Variants in ADARB2 observed in about 807,000 individuals in gnomAD.
ADARB2 encodes the protein adenosine deaminase RNA specific B2 (inactive).
Under a neutral mutation model 62.2 loss-of-function variants are expected in ADARB2, and 25 were observed. The ratio of observed to expected loss-of-function variants is 0.40; its 90% CI spans 0.29 to 0.56. ADARB2 has a LOEUF of 0.56. Ranked by LOEUF, ADARB2 falls within the 20% of genes least tolerant of loss-of-function variation. The probability of loss-of-function intolerance (pLI) is 0.43; values close to 1 mark genes in which losing one functional copy is unlikely to be tolerated. For missense variants in ADARB2, 1,071 were observed against 1,077.4 expected, an observed-to-expected ratio of 0.99 and a Z score of 0.08; for synonymous variants, 572 against 500.8, an observed-to-expected ratio of 1.14 and a Z score of -1.90.
intron 3 of ADARB2, among the ~76,000 whole-genome samples, chr10:1,317,739 G>A (rs1006528799): frequency 6.3e-5 from 9 of 142,922 alleles, no homozygotes; most frequent in Non-Finnish European, 1.4e-4. Context: ...GGGGGCACAG[G>A]CAGGGGTAGG....
chr10:1,298,253 A>G (rs1310057742), intron 3 of ADARB2, among the ~76,000 whole-genome samples: 1 of 152,192 alleles, frequency 6.6e-6, no homozygotes, highest in African/African-American at 2.4e-5. Context: ...ATAAAGACAA[A>G]ATGAAGTTTC....
At chr10:1,533,085 G>A (rs1832270867) in intron 1 of ADARB2, among the ~76,000 whole-genome samples, 1 of 151,406 alleles carries the variant, frequency 6.6e-6, no homozygotes, top group Admixed American at 6.6e-5. Flanking sequence ...AGAGTAACGA[G>A]CCAGCTGATT....
chr10:1,363,282 C>T lies in ADARB2; in HGVS notation c.823G>A (p.Gly275Ser). ...GPTPATPAAPGERNPVVLLNR... is the reference protein window; with the variant it reads ...GPTPATPAAPSERNPVVLLNR... ...AGCAGCACCACGGGGTTGCGCTCGC[C>T]CGGGGCCGCGGGGGTGGCGGGGGTC... Residue 275 changes from glycine (G) to serine (S), a missense_variant, in exon 3 of 10, where the codon GGC becomes AGC. Coordinates refer to ENST00000381312, the MANE Select transcript of ADARB2 (RefSeq NM_018702.4). 1 of 1,244,136 alleles carries T rather than the reference C, an allele frequency of 8.0e-7. No homozygotes were observed. Among genetic ancestry groups the T allele is most frequent in the Non-Finnish European group, 1.0e-6 (1 of 993,202 alleles). The allele number at this position is 1,244,136 out of a possible 1,614,324, so 77.1% of individuals were successfully genotyped here. A position where few individuals can be genotyped will look rare whatever the true frequency, so the allele number is the denominator to read the frequency against.
In ADARB2 at chr10:1,398,143, G is replaced by T. The variant is rs1234483390; in HGVS notation, c.101-18983C>A. Among the ~76,000 whole-genome samples, 6 of 144,320 alleles carry T rather than the reference G, an allele frequency of 4.2e-5. No individual in the cohort carries two copies. The highest frequency in any genetic ancestry group is 7.6e-5 in the Non-Finnish European group (5 of 66,222). The allele number at this position is 144,320 out of a possible 152,430, so 94.7% of individuals were successfully genotyped here. A position where few individuals can be genotyped will look rare whatever the true frequency, so the allele number is the denominator to read the frequency against. ...GGTCACCATCAGTCTCTCCCCTCCC[G>T]AGTGCAGGCTTCCTGGGTCACCGTC... is the stretch of plus-strand genomic sequence containing the variant. On this transcript the variant is annotated intron_variant, in intron 1 of 9. Coordinates refer to ENST00000381312, the MANE Select transcript of ADARB2 (RefSeq NM_018702.4). This position sits in a 1 kb window ranked among gnomAD's most constrained non-coding sequence, Gnocchi z 4.1.
chr10:1,286,842 T>C (rs569603366), intron 3 of ADARB2, among the ~76,000 whole-genome samples: 1 of 152,252 alleles, frequency 6.6e-6, no homozygotes, highest in South Asian at 2.1e-4. Flanking sequence ...TGGATGGAGG[T>C]GCTTAGCCTG....
intron 1 of ADARB2, among the ~76,000 whole-genome samples, chr10:1,450,962 T>C (rs1295707600): frequency 1.3e-5 from 2 of 152,194 alleles, no homozygotes; most frequent in Non-Finnish European, 2.9e-5. Flanking sequence ...AGGGAGCTCC[T>C]GCGAATAGGC....
intron 1 of ADARB2, among the ~76,000 whole-genome samples, chr10:1,608,966 T>C (rs936323762): frequency 6.6e-6 from 1 of 151,948 alleles, no homozygotes; most frequent in Non-Finnish European, 1.5e-5. Context: ...AACACCACAT[T>C]AAACCGTGGC....
chr10:1,566,085 A>C (rs147263906), intron 1 of ADARB2, among the ~76,000 whole-genome samples: 55,939 of 137,370 alleles, frequency 0.41, 13,671 homozygotes, highest in East Asian at 0.63. Flanking sequence ...AAAAAAAAAA[A>C]AAAAAAAAAA....
At chr10:1,207,943 C>G (rs1564220586) in intron 7 of ADARB2, among the ~76,000 whole-genome samples, 2 of 152,194 alleles carry the variant, frequency 1.3e-5, no homozygotes, top group Non-Finnish European at 2.9e-5. Context: ...TAGCCTGGCT[C>G]CATAGAGCTG....
intron 6 of ADARB2, among the ~76,000 whole-genome samples, chr10:1,227,180 C>G (rs1426232043): frequency 6.6e-6 from 1 of 152,224 alleles, no homozygotes; most frequent in Non-Finnish European, 1.5e-5. Context: ...ATCAGCGAGA[C>G]TCCGTGGGTG....
In ADARB2 at chr10:1,522,412, T is replaced by A. The variant is rs188413346; in HGVS notation, c.101-143252A>T. Among the ~76,000 whole-genome samples, 5 of 151,806 alleles carry A rather than the reference T, an allele frequency of 3.3e-5. No homozygotes were observed. In the East Asian group the frequency reaches 9.7e-4, roughly 29 times the overall value. ...CTGTGGGGTGTCTGATGCCTGAGAG[T>A]CAGAGGGCAGTAAAACAAAGGGTGG... On this transcript the variant is annotated intron_variant, in intron 1 of 9. Coordinates refer to ENST00000381312, the MANE Select transcript of ADARB2 (RefSeq NM_018702.4).
At chr10:1,375,658 AC>A (rs1832415836) in intron 2 of ADARB2, among the ~76,000 whole-genome samples, 2 of 152,210 alleles carry the variant, frequency 1.3e-5, no homozygotes, top group Admixed American at 6.5e-5. Flanking sequence ...AACACGGGAG[AC>A]CGGAGGAGGC....
chr10:1,278,762 C>T (rs1174368278), intron 3 of ADARB2, among the ~76,000 whole-genome samples: 2 of 152,138 alleles, frequency 1.3e-5, no homozygotes, highest in Non-Finnish European at 2.9e-5. Flanking sequence ...CAGCAACATT[C>T]ATGTAGGGGT....
chr10:1,623,045 C>T (rs1346606198), intron 1 of ADARB2, among the ~76,000 whole-genome samples: 1 of 152,124 alleles, frequency 6.6e-6, no homozygotes, highest in Non-Finnish European at 1.5e-5. Context: ...GCCTCAAAAA[C>T]ATTGTGCTGA....
At chr10:1,524,872 G>C (rs915744441) in intron 1 of ADARB2, among the ~76,000 whole-genome samples, 2 of 152,130 alleles carry the variant, frequency 1.3e-5, no homozygotes, top group African/African-American at 4.8e-5. Context: ...CTAGCAGTCT[G>C]GCTGGAATGA....
At chr10:1,336,186 A>G (rs1006527791) in intron 3 of ADARB2, among the ~76,000 whole-genome samples, 5 of 152,202 alleles carry the variant, frequency 3.3e-5, no homozygotes, top group Admixed American at 3.3e-4. Context: ...CCTACAAACA[A>G]TGGGATCCTG....
chr10:1,472,464 C>G (rs556560872), intron 1 of ADARB2, among the ~76,000 whole-genome samples: 1 of 152,050 alleles, frequency 6.6e-6, no homozygotes, highest in Non-Finnish European at 1.5e-5. Context: ...CCAGGTGTGA[C>G]GAGCTCTGGA....
chr10:1,420,708 T>C (rs1832845122), intron 1 of ADARB2, among the ~76,000 whole-genome samples: 1 of 151,524 alleles, frequency 6.6e-6, no homozygotes, highest in African/African-American at 2.4e-5. Context: ...AGCCGCTGCC[T>C]GCCGCTGAGA....
chr10:1,733,548 T>C (rs1160390978), intron 1 of ADARB2, among the ~76,000 whole-genome samples: 1 of 152,232 alleles, frequency 6.6e-6, no homozygotes, highest in Non-Finnish European at 1.5e-5. Context: ...CAGAGAATTA[T>C]TGGCATATTT....
Sources: allele counts gnomAD v4.1 joint callset (sites outside exome capture counted in the v4.1 genomes callset), GRCh38; gene constraint gnomAD v4.1.1; non-coding constraint Gnocchi (gnomAD v3.1); transcripts MANE v1.5; gene names NCBI Gene and HGNC (gene_info 2026-07-23, HGNC 2026-07-21).